Variants in TENM3 observed in about 807,000 individuals in gnomAD.
The protein encoded by TENM3 is teneurin transmembrane protein 3.
Under a neutral mutation model 255.1 loss-of-function variants are expected in TENM3, and 63 were observed. The ratio of observed to expected loss-of-function variants is 0.25; its 90% CI spans 0.20 to 0.30. The LOEUF is 0.30. Among genes scored for constraint, TENM3 ranks in the 10% least tolerant of loss-of-function variants. The pLI is 1.00. For missense variants in TENM3, 2,929 were observed against 3,461.1 expected, an observed-to-expected ratio of 0.85 and a Z score of 3.86; for synonymous variants, 1,306 against 1,322.3, an observed-to-expected ratio of 0.99 and a Z score of 0.27.
At chr4:182,187,890 TAAAACGAAATGGATTA>T (rs1043198754) in intron 1 of TENM3, among the ~76,000 whole-genome samples, 1 of 152,144 alleles carries the variant, frequency 6.6e-6, no homozygotes, top group African/African-American at 2.4e-5. Flanking sequence ...TTTAGATCCA[TAAAACGAAATGGATTA>T]AAGAAAATTA....
chr4:182,548,787 T>A (rs1741714393), intron 3 of TENM3: 1 of 151,812 alleles, frequency 6.6e-6, no homozygotes, highest in Non-Finnish European at 1.5e-5. Context: ...CAGCAGTCAC[T>A]TTCAATTGCC....
the TENM3 span, among the ~76,000 whole-genome samples, chr4:181,515,612 A>T: frequency 3.3e-5 from 5 of 152,058 alleles, no homozygotes; most frequent in African/African-American, 1.2e-4. Flanking sequence ...GAGAGTTCGA[A>T]TTGTGTCTAG....
the TENM3 span, among the ~76,000 whole-genome samples, chr4:181,881,153 C>G: frequency 6.6e-6 from 1 of 152,154 alleles, no homozygotes; most frequent in South Asian, 2.1e-4. Context: ...TACTTTAACT[C>G]CACATTCCCT....
intron 2 of TENM3, 80 bp downstream of exon 2, chr4:182,324,332 A>G: frequency 9.3e-7 from 1 of 1,074,622 alleles, no homozygotes; most frequent in Non-Finnish European, 1.4e-6. Flanking sequence ...TCAAGGTGAC[A>G]TGTCTGTTTT....
chr4:182,515,876 C>T (rs1737884968), intron 3 of TENM3, among the ~76,000 whole-genome samples: 1 of 152,166 alleles, frequency 6.6e-6, no homozygotes, highest in Non-Finnish European at 1.5e-5. Context: ...TCACATTTTA[C>T]ATTAGAAAAC....
chr4:182,136,979 C>A, the TENM3 span, among the ~76,000 whole-genome samples: 1 of 152,062 alleles, frequency 6.6e-6, no homozygotes, highest in Non-Finnish European at 1.5e-5. Flanking sequence ...TCAGCATCCC[C>A]CCCCACCCAA....
the TENM3 span, among the ~76,000 whole-genome samples, chr4:181,787,838 A>G: frequency 6.6e-6 from 1 of 152,068 alleles, no homozygotes; most frequent in Non-Finnish European, 1.5e-5. Flanking sequence ...CTGCCTTCTT[A>G]AAATGTGTAA....
At chr4:182,660,083 C>CAT (rs36082416) in intron 6 of TENM3, among the ~76,000 whole-genome samples, 21,515 of 151,972 alleles carry the variant, frequency 0.14, 2,342 homozygotes, top group East Asian at 0.51. Flanking sequence ...AAGGTGTAAA[C>CAT]ATACAATGGT....
At chr4:182,725,627 C>A (rs373093063) in intron 13 of TENM3, among the ~76,000 whole-genome samples, 4 of 9,886 alleles carry the variant, frequency 4.0e-4, no homozygotes, top group Admixed American at 3.9e-3. Flanking sequence ...ATTTTCTTTT[C>A]TTTTTTTTCT....
the TENM3 span, among the ~76,000 whole-genome samples, chr4:182,118,877 G>T: frequency 1.3e-5 from 2 of 152,222 alleles, no homozygotes; most frequent in East Asian, 3.9e-4. Flanking sequence ...GAAGATTTTT[G>T]TCTCTGTGCT....
chr4:181,731,202 G>A, the TENM3 span, among the ~76,000 whole-genome samples: 1 of 152,150 alleles, frequency 6.6e-6, no homozygotes, highest in African/African-American at 2.4e-5. Context: ...TACTTTTAAA[G>A]TTCTGCATAA....
rs937198182 is a variant in TENM3 at position 182,799,468 on chromosome 4, C to T, written c.7345-128C>T. On this transcript the variant is annotated intron_variant, in intron 27 of 27. Coordinates refer to ENST00000511685, the MANE Select transcript of TENM3 (RefSeq NM_001080477.4). This position sits in a 1 kb window ranked among gnomAD's most constrained non-coding sequence, Gnocchi z 4.2. ...TCCCTCCACCCGGGCTGTCAGCCTT[C>T]TGGTCAGGGAAGGACCCCGGGGCTT... 60 of 1,237,232 alleles carry T rather than the reference C, an allele frequency of 4.8e-5. No individual in the cohort carries two copies. The highest frequency in any genetic ancestry group is 6.5e-5 in the Non-Finnish European group (60 of 918,820). 76.6% of individuals were successfully genotyped at this position (1,237,232 alleles called of 1,614,324 possible). A position where few individuals can be genotyped will look rare whatever the true frequency, so the allele number is the denominator to read the frequency against.
chr4:182,497,408 A>G (rs1040948953), intron 3 of TENM3, among the ~76,000 whole-genome samples: 5 of 152,206 alleles, frequency 3.3e-5, no homozygotes, highest in African/African-American at 9.6e-5. Context: ...ATTTACTTTT[A>G]GTGTGCTATA....
At chr4:181,836,964 C>T in the TENM3 span, among the ~76,000 whole-genome samples, 1 of 144,508 alleles carries the variant, frequency 6.9e-6, no homozygotes, top group African/African-American at 2.5e-5. Flanking sequence ...CTGTAACAGT[C>T]TTGCTCACAT....
chr4:181,501,578 CT>C, the TENM3 span, among the ~76,000 whole-genome samples: 1 of 151,922 alleles, frequency 6.6e-6, no homozygotes, highest in Admixed American at 6.6e-5. Flanking sequence ...CGGGGTTTCA[CT>C]AGGTTGGCCA....
chr4:181,629,730 C>A, the TENM3 span, among the ~76,000 whole-genome samples: 76,007 of 151,916 alleles, frequency 0.5, 19,682 homozygotes, highest in Non-Finnish European at 0.57. Flanking sequence ...CTGCTGGATT[C>A]GGTTTGCCAG....
At chr4:181,972,628 A>G in the TENM3 span, among the ~76,000 whole-genome samples, 1 of 152,084 alleles carries the variant, frequency 6.6e-6, no homozygotes. Context: ...TCCAAGTCAC[A>G]GAGACCAGAG....
At chr4:182,417,409 A>G (rs72699979) in intron 3 of TENM3, among the ~76,000 whole-genome samples, 12,189 of 152,238 alleles carry the variant, frequency 0.08, 772 homozygotes, top group East Asian at 0.21. Flanking sequence ...AACATATAAT[A>G]CCATTGTAGC....
rs1283470521 is a variant in TENM3, at chr4:182,793,523, T to C, written c.6851T>C (p.Met2284Thr). 1 of 1,613,982 alleles carries C rather than the reference T, an allele frequency of 6.2e-7. No individual in the cohort carries two copies. Among genetic ancestry groups the C allele is most frequent in the Non-Finnish European group, 8.5e-7 (1 of 1,179,892 alleles). The change falls in exon 26 of 28, where the codon ATG becomes ACG. Residue 2284 changes from methionine to threonine, a missense_variant. Transcript: ENST00000511685. The surrounding 1 kb of genome is among the most constrained non-coding windows in gnomAD (Gnocchi z 5.7). ...GATCTCCAAGGACATCTTTTTGCCA[T>C]GGAAATCAGCAGTGGGGATGAATTC... ...YYDLQGHLFA[M>T]EISSGDEFYI...
Sources: gnomAD v4.1 joint callset for allele counts (sites outside exome capture counted in the v4.1 genomes callset) on GRCh38, gnomAD v4.1.1 for gene constraint, Gnocchi (gnomAD v3.1) non-coding constraint, MANE v1.5 for transcripts, NCBI Gene and HGNC (gene_info 2026-07-23, HGNC 2026-07-21) for gene names.